Variants in DNM3 observed in about 807,000 individuals in gnomAD.
DNM3 encodes the protein dynamin-3.
A neutral mutation model predicts 101.6 loss-of-function variants in DNM3; 47 were observed. The observed-to-expected ratio is 0.46, with a 90% CI of 0.37 to 0.59. DNM3 has a LOEUF of 0.59. Among genes scored for constraint, DNM3 ranks in the 20% least tolerant of loss-of-function variants. DNM3 has a pLI of 0.00. For synonymous variants in DNM3, 385 were observed against 387.9 expected, an observed-to-expected ratio of 0.99 and a Z score of 0.09; for missense variants, 849 against 1,085.7, an observed-to-expected ratio of 0.78 and a Z score of 3.06.
chr1:172,241,022 A>G (rs184798485), intron 14 of DNM3, among the ~76,000 whole-genome samples: 1 of 152,292 alleles, frequency 6.6e-6, no homozygotes, highest in Non-Finnish European at 1.5e-5. Context: ...AAGAAAATTT[A>G]ACCCATGAAT....
chr1:172,164,232 C>CTTTTTTT (rs3980440), intron 14 of DNM3, among the ~76,000 whole-genome samples: 20 of 126,644 alleles, frequency 1.6e-4, no homozygotes, highest in African/African-American at 4.4e-4. Flanking sequence ...CTTTTCTTTT[C>CTTTTTTT]TTTTTTTTTT....
At chr1:172,396,868 G>T (rs1346163641) in intron 20 of DNM3, among the ~76,000 whole-genome samples, 1 of 152,156 alleles carries the variant, frequency 6.6e-6, no homozygotes, top group African/African-American at 2.4e-5. Context: ...GAGAATAGGA[G>T]ATGAGAAAGA....
At chr1:172,033,297 T>C in intron 6 of DNM3, 32 bp downstream of exon 6, 1 of 1,551,060 alleles carries the variant, frequency 6.4e-7, no homozygotes, top group Non-Finnish European at 8.7e-7. Flanking sequence ...ACAAGAACAA[T>C]TATGAAATAT....
chr1:172,101,774 T>C (rs1054402792), intron 13 of DNM3, among the ~76,000 whole-genome samples: 1 of 152,240 alleles, frequency 6.6e-6, no homozygotes, highest in Non-Finnish European at 1.5e-5. Flanking sequence ...ACCACAGTTC[T>C]AATAGTTTGT....
intron 2 of DNM3, among the ~76,000 whole-genome samples, chr1:171,943,254 A>C (rs894571094): frequency 6.6e-6 from 1 of 152,192 alleles, no homozygotes; most frequent in Non-Finnish European, 1.5e-5. Context: ...TTTGTCAACC[A>C]AAAATAAAAT....
chr1:172,018,080 G>C (rs1363240723), intron 4 of DNM3, among the ~76,000 whole-genome samples: 2 of 151,920 alleles, frequency 1.3e-5, no homozygotes, highest in African/African-American at 4.8e-5. Flanking sequence ...CTTTTAATCT[G>C]TGTGTTTTTA....
At chr1:171,930,295 T>G (rs2040900648) in intron 2 of DNM3, among the ~76,000 whole-genome samples, 1 of 152,142 alleles carries the variant, frequency 6.6e-6, no homozygotes. Context: ...CTGGCTGGAT[T>G]TCCAAGCCAG....
rs530045794 is a variant in DNM3 at position 172,299,242 on chromosome 1, G to A, written c.1770-9486G>A. Among the ~76,000 whole-genome samples the A allele has an allele frequency of 1.3e-3, 205 of 152,322 alleles. 1 individual carries two copies. The highest frequency in any genetic ancestry group is 4.7e-3 in the African/African-American group (197 of 41,572). Reference sequence around the variant, plus strand: ...AAAGAGCAAAGTGTTCAAAGAAACTGGAGAGGAACATAATGACTGCCCAGA... The same window carrying A: ...AAAGAGCAAAGTGTTCAAAGAAACTAGAGAGGAACATAATGACTGCCCAGA... On this transcript the variant is annotated intron_variant, in intron 15 of 20. Coordinates refer to ENST00000627582, the MANE Select transcript of DNM3 (RefSeq NM_015569.5).
At chr1:172,379,468 C>A (rs760871066) in intron 18 of DNM3, among the ~76,000 whole-genome samples, 39 of 152,016 alleles carry the variant, frequency 2.6e-4, no homozygotes, top group Non-Finnish European at 5.3e-4. Context: ...TAATCCTGGG[C>A]ATCATGTAAA....
chr1:172,195,707 G>A (rs1030721456), intron 14 of DNM3, among the ~76,000 whole-genome samples: 2 of 151,804 alleles, frequency 1.3e-5, no homozygotes, highest in African/African-American at 4.8e-5. Context: ...ATATGCTGAT[G>A]TGAAGGATTC....
At chr1:172,373,635 G>T (rs2068461819) in intron 17 of DNM3, among the ~76,000 whole-genome samples, 1 of 152,038 alleles carries the variant, frequency 6.6e-6, no homozygotes, top group African/African-American at 2.4e-5. Flanking sequence ...TTTATAAAAT[G>T]TAGACAAATC....
intron 14 of DNM3, among the ~76,000 whole-genome samples, chr1:172,241,320 CA>C (rs1198434672): frequency 6.6e-6 from 1 of 151,056 alleles, no homozygotes; most frequent in Non-Finnish European, 1.5e-5. Context: ...CCTGGAATTT[CA>C]AAACTGCATA....
chr1:172,004,735 G>A (rs775078853), intron 4 of DNM3, among the ~76,000 whole-genome samples: 3 of 151,932 alleles, frequency 2.0e-5, no homozygotes, highest in Non-Finnish European at 4.4e-5. Flanking sequence ...TGGAGCATGG[G>A]AGAATATACA....
chr1:172,033,346 T>A (rs2048748113), intron 6 of DNM3, 81 bp downstream of exon 6: 3 of 1,411,972 alleles, frequency 2.1e-6, no homozygotes, highest in Non-Finnish European at 2.8e-6. Flanking sequence ...TATTTTTAAG[T>A]TTATTTTTTT....
At chr1:172,323,987 G>A (rs148322043) in intron 17 of DNM3, among the ~76,000 whole-genome samples, 3 of 152,156 alleles carry the variant, frequency 2.0e-5, no homozygotes, top group Non-Finnish European at 4.4e-5. Flanking sequence ...CAGGAATGGT[G>A]GAAATTATTT....
intron 2 of DNM3, among the ~76,000 whole-genome samples, chr1:171,923,431 G>A (rs184615502): frequency 2.5e-4 from 38 of 151,484 alleles, no homozygotes; most frequent in Non-Finnish European, 5.0e-4. Context: ...TATTTGATTT[G>A]CATTTTTTTT....
chr1:172,103,747 A>C (rs1036473205), intron 13 of DNM3, among the ~76,000 whole-genome samples: 3 of 152,206 alleles, frequency 2.0e-5, no homozygotes, highest in Non-Finnish European at 4.4e-5. Context: ...TCACGCCTGT[A>C]ATCCCAGCAC....
At chr1:172,279,771 T>G (rs988596594) in intron 15 of DNM3, among the ~76,000 whole-genome samples, 2 of 152,188 alleles carry the variant, frequency 1.3e-5, no homozygotes, top group Non-Finnish European at 2.9e-5. Flanking sequence ...GAATTCAGCC[T>G]CTTCTTTCTT....
At chr1:172,389,589 G>A (rs1487285691) in intron 20 of DNM3, among the ~76,000 whole-genome samples, 1 of 151,878 alleles carries the variant, frequency 6.6e-6, no homozygotes, top group Non-Finnish European at 1.5e-5. Flanking sequence ...AAAGTACTAA[G>A]GTTTTTTTCC....
Sources: gnomAD v4.1 joint callset for allele counts (sites outside exome capture counted in the v4.1 genomes callset) on GRCh38, gnomAD v4.1.1 for gene constraint, MANE v1.5 for transcripts, NCBI Gene and HGNC (gene_info 2026-07-23, HGNC 2026-07-21) for gene names.